The following STAU2 variants were observed in gnomAD, a reference collection of about 807,000 sequenced individuals.
STAU2 encodes staufen double-stranded RNA binding protein 2.
Under a neutral mutation model 65.9 loss-of-function variants are expected in STAU2, and 20 were observed. That is an observed-to-expected ratio of 0.30 (90% confidence interval 0.21 to 0.44). STAU2 has a LOEUF of 0.44. Ranked by LOEUF, STAU2 falls within the 20% of genes least tolerant of loss-of-function variation. The pLI is 1.00. For synonymous variants in STAU2, 232 were observed against 233.9 expected (o/e 0.99, Z 0.07); for missense variants, 558 against 683.9 (o/e 0.82, Z 2.05).
At chr8:73,582,853 C>T in intron 11 of STAU2, 23 bp from the exon 12 acceptor site, 2 of 1,588,952 alleles carry the variant, frequency 1.3e-6, no homozygotes, top group Non-Finnish European at 1.7e-6. Context: ...ATCAATCGTT[C>T]AAATCCAGAG....
At chr8:73,718,701 G>A (rs958820449) in intron 3 of STAU2, among the ~76,000 whole-genome samples, 1 of 152,084 alleles carries the variant, frequency 6.6e-6, no homozygotes. Context: ...ATCTTATTCA[G>A]GTATCCTTTA....
chr8:73,486,257 A>G (rs928240670), intron 13 of STAU2, among the ~76,000 whole-genome samples: 62 of 152,128 alleles, frequency 4.1e-4, no homozygotes, highest in African/African-American at 1.4e-3. Context: ...AAATAAGTAA[A>G]TGAACAAGTA....
rs956306079 is a variant in STAU2, at chr8:73,683,404, C to T, written c.274+5250G>A. 7.2e-5 allele frequency among the ~76,000 whole-genome samples: 11 copies of T among 152,002 alleles called. 1 individual carries two copies. Among genetic ancestry groups the T allele is most frequent in the Admixed American group, 3.9e-4 (6 of 15,238 alleles). The stretch of plus-strand genomic sequence containing the variant: ...CAAAGAAAAAGCATTTTACAAAATC[C>T]AGCATCCCTATATGATTAAAACCCT... On this transcript the variant is annotated intron_variant, in intron 5 of 14. Transcript: ENST00000524300.
intron 11 of STAU2, among the ~76,000 whole-genome samples, chr8:73,593,500 G>C (rs1047238858): frequency 1.3e-4 from 20 of 152,174 alleles, no homozygotes; most frequent in Admixed American, 5.9e-4. Flanking sequence ...TAAGTGTCTG[G>C]CATTTAGTGA....
chr8:73,558,089 G>C (rs1486954688), intron 12 of STAU2, among the ~76,000 whole-genome samples: 2 of 152,220 alleles, frequency 1.3e-5, no homozygotes, highest in African/African-American at 4.8e-5. Flanking sequence ...TTTGACTCCA[G>C]GCAGTCTGCC....
Position 73,552,229 on chromosome 8 carries a change from T to A in STAU2, c.1313A>T (p.Tyr438Phe). The A allele has an allele frequency of 6.2e-7, 1 of 1,614,002 alleles. No homozygotes were observed. The highest frequency in any genetic ancestry group is 8.5e-7 in the Non-Finnish European group (1 of 1,179,878). ...HKVISGTTLG[Y>F]LSPKDMNQPS... ...TTGGTTCATATCTTTGGGTGACAAA[T>A]AGCCTAGAGTAGTGCCAGAGATTAC... is the stretch of plus-strand genomic sequence containing the variant. The change falls in exon 13 of 15, where the codon TAT becomes TTT. Residue 438 changes from tyrosine (Y) to phenylalanine (F), a missense_variant. Physicochemically the swap from Tyr to Phe is conservative, Grantham distance 22 (BLOSUM62 3). This residue lies in a region of STAU2 where 247 missense variants were observed against 270.1 expected (regional missense o/e 0.91). Coordinates refer to ENST00000524300, the MANE Select transcript of STAU2 (RefSeq NM_001164380.2).
At chr8:73,616,325 C>T (rs908802210) in intron 7 of STAU2, among the ~76,000 whole-genome samples, 1 of 151,982 alleles carries the variant, frequency 6.6e-6, no homozygotes, top group Non-Finnish European at 1.5e-5. Context: ...TCCTTGCTGT[C>T]AAGAACTGGG....
intron 13 of STAU2, among the ~76,000 whole-genome samples, chr8:73,451,482 A>C (rs1037232669): frequency 6.6e-6 from 1 of 151,994 alleles, no homozygotes; most frequent in African/African-American, 2.4e-5. Flanking sequence ...ACTCGGATTC[A>C]AAAAAATATG....
chr8:73,648,181 G>C (rs117323112), intron 6 of STAU2, among the ~76,000 whole-genome samples: 1 of 152,094 alleles, frequency 6.6e-6, no homozygotes, highest in African/African-American at 2.4e-5. Context: ...TTCCAAATAC[G>C]TATCTTGAAA....
intron 9 of STAU2, among the ~76,000 whole-genome samples, chr8:73,606,430 G>A (rs1421852075): frequency 6.6e-6 from 1 of 151,866 alleles, no homozygotes; most frequent in Admixed American, 6.6e-5. Context: ...TTGTTAAGCT[G>A]GCAAAAAATT....
At chr8:73,715,451 C>CAAAAAAAAAAAAA (rs35959123) in intron 3 of STAU2, among the ~76,000 whole-genome samples, 1 of 123,870 alleles carries the variant, frequency 8.1e-6, no homozygotes, top group Non-Finnish European at 1.6e-5. Flanking sequence ...GTGAGACTGT[C>CAAAAAAAAAAAAA]AAAAAAAAAA....
chr8:73,484,450 T>C (rs1245982853), intron 13 of STAU2, among the ~76,000 whole-genome samples: 1 of 152,122 alleles, frequency 6.6e-6, no homozygotes, highest in African/African-American at 2.4e-5. Flanking sequence ...CTTTAAAACA[T>C]TCTTTCTGGA....
At chr8:73,493,648 C>T (rs2128916440) in intron 13 of STAU2, among the ~76,000 whole-genome samples, 1 of 151,834 alleles carries the variant, frequency 6.6e-6, no homozygotes, top group Middle Eastern at 3.4e-3. Flanking sequence ...GGATATGTAG[C>T]AACTGGAAGT....
At chr8:73,549,278 T>C (rs140869780) in intron 13 of STAU2, among the ~76,000 whole-genome samples, 2,485 of 152,282 alleles carry the variant, frequency 0.016, 30 homozygotes, top group Non-Finnish European at 0.025. Flanking sequence ...TAAAACGTAT[T>C]AATACTTGAT....
At chr8:73,591,900 A>AAAAC (rs1810821480) in intron 11 of STAU2, among the ~76,000 whole-genome samples, 3 of 145,226 alleles carry the variant, frequency 2.1e-5, no homozygotes, top group East Asian at 3.9e-4. Flanking sequence ...AAAAAAAAAA[A>AAAAC]AAAAAAAAAA....
chr8:73,426,034 C>A (rs1563582567), intron 13 of STAU2, among the ~76,000 whole-genome samples: 1 of 152,188 alleles, frequency 6.6e-6, no homozygotes, highest in Non-Finnish European at 1.5e-5. Flanking sequence ...CTCAAGTGAT[C>A]CACCTGCCCC....
chr8:73,671,859 CTA>C (rs1817704212), intron 6 of STAU2, among the ~76,000 whole-genome samples: 1 of 152,006 alleles, frequency 6.6e-6, no homozygotes, highest in Non-Finnish European at 1.5e-5. Flanking sequence ...AACCCCATCT[CTA>C]CTAAAATACA....
intron 3 of STAU2, among the ~76,000 whole-genome samples, chr8:73,731,401 G>A (rs1165760179): frequency 1.3e-5 from 2 of 152,090 alleles, no homozygotes; most frequent in African/African-American, 2.4e-5. Flanking sequence ...GCTGGGCTCT[G>A]TTTTGGTTCC....
chr8:73,717,065 GC>G (rs1174704024), intron 3 of STAU2, among the ~76,000 whole-genome samples: 1 of 152,068 alleles, frequency 6.6e-6, no homozygotes, highest in Non-Finnish European at 1.5e-5. Context: ...AGGTACCACT[GC>G]ACTCCAGCCT....
Sources: allele counts gnomAD v4.1 joint callset (sites outside exome capture counted in the v4.1 genomes callset), GRCh38; gene constraint gnomAD v4.1.1; regional missense constraint gnomAD v4.1.1; transcripts MANE v1.5; gene names NCBI Gene and HGNC (gene_info 2026-07-23, HGNC 2026-07-21).